ZNF566: variants seen among roughly 807,000 people sequenced by gnomAD.
The protein encoded by ZNF566 is zinc finger protein 566.
A neutral mutation model predicts 32.8 loss-of-function variants in ZNF566; 27 were observed. The observed-to-expected ratio is 0.82, with a 90% CI of 0.61 to 1.14. ZNF566 has a LOEUF of 1.14. ZNF566 is among the 50% of genes most tolerant of loss of function. ZNF566 has a pLI of 0.00. For synonymous variants in ZNF566, 154 were observed against 159.5 expected (o/e 0.97, Z 0.26); for missense variants, 402 against 490.4 (o/e 0.82, Z 1.70).
intron 1 of ZNF566, among the ~76,000 whole-genome samples, chr19:36,478,252 T>C (rs2033944589): frequency 6.6e-6 from 1 of 152,186 alleles, no homozygotes; most frequent in South Asian, 2.1e-4. Context: ...TACTACATAT[T>C]AAGCTCTTAG....
At chr19:36,466,590 C>T (rs1483658594) in intron 4 of ZNF566, among the ~76,000 whole-genome samples, 18 of 152,106 alleles carry the variant, frequency 1.2e-4, no homozygotes. Flanking sequence ...TGAGTCCCTA[C>T]GAGTGTGAAG....
At chr19:36,463,356 T>C (rs1473217957) in intron 4 of ZNF566, among the ~76,000 whole-genome samples, 1 of 151,920 alleles carries the variant, frequency 6.6e-6, no homozygotes, top group African/African-American at 2.4e-5. Context: ...AGAAAATACC[T>C]AGAAATAAAA....
intron 4 of ZNF566, among the ~76,000 whole-genome samples, chr19:36,462,450 T>G (rs1401750792): frequency 6.6e-6 from 1 of 152,006 alleles, no homozygotes; most frequent in Non-Finnish European, 1.5e-5. Flanking sequence ...TTTCTGCAAC[T>G]ATGCCTGGGT....
rs80024850 is a variant in ZNF566, at chr19:36,487,256, A to G, written c.-60+2230T>C. On this transcript the variant is annotated intron_variant, in intron 1 of 4. Transcript: ENST00000452939. ...TCTCATACATTGCTGGATGGAGTGT[A>G]AACTGGAACAACCACATGAGAGCTT... Among the ~76,000 whole-genome samples, 801 of 152,296 alleles carry G rather than the reference A, an allele frequency of 5.3e-3. 23 individuals are homozygous for G. The highest frequency in any genetic ancestry group is 0.037 in the Admixed American group (567 of 15,278).
chr19:36,462,233 C>T (rs1020254021), intron 4 of ZNF566, among the ~76,000 whole-genome samples: 1 of 152,064 alleles, frequency 6.6e-6, no homozygotes, highest in Admixed American at 6.6e-5. Flanking sequence ...GGTGATCCAC[C>T]CACCTCGGCC....
intron 4 of ZNF566, among the ~76,000 whole-genome samples, chr19:36,451,014 G>A (rs1039441345): frequency 6.6e-6 from 1 of 152,198 alleles, no homozygotes; most frequent in African/African-American, 2.4e-5. Context: ...TAAGTAAAAT[G>A]TGCATTTCAT....
At chr19:36,480,245 C>A (rs2033991853) in intron 1 of ZNF566, among the ~76,000 whole-genome samples, 1 of 151,796 alleles carries the variant, frequency 6.6e-6, no homozygotes, top group Non-Finnish European at 1.5e-5. Context: ...CATGTATATA[C>A]TGTCACCTGA....
chr19:36,488,985 AG>A (rs2034241732), intron 1 of ZNF566, among the ~76,000 whole-genome samples: 1 of 152,146 alleles, frequency 6.6e-6, no homozygotes. Flanking sequence ...CATAAGCACA[AG>A]TGCACGCTTA....
At chr19:36,456,564 T>C (rs952004097) in intron 4 of ZNF566, 4 of 147,686 alleles carry the variant, frequency 2.7e-5, no homozygotes, top group African/African-American at 1.0e-4. Context: ...AAAAAAAAAA[T>C]TGCATTAAAT....
chr19:36,451,228 T>C (rs2033149363), intron 4 of ZNF566, among the ~76,000 whole-genome samples: 1 of 152,066 alleles, frequency 6.6e-6, no homozygotes, highest in African/African-American at 2.4e-5. Flanking sequence ...CAGAGCACTT[T>C]AAAAAATGAT....
At chr19:36,475,707 C>T (rs561406764) in intron 2 of ZNF566, among the ~76,000 whole-genome samples, 3 of 151,798 alleles carry the variant, frequency 2.0e-5, no homozygotes, top group South Asian at 2.1e-4. Flanking sequence ...TGTTTAAAAG[C>T]GGGGGGCGGC....
At chr19:36,454,485 C>A (rs2033250251) in intron 4 of ZNF566, among the ~76,000 whole-genome samples, 1 of 152,048 alleles carries the variant, frequency 6.6e-6, no homozygotes, top group African/African-American at 2.4e-5. Context: ...CCCAGGAGTT[C>A]AAAACTGCAG....
At chr19:36,473,732 T>C (rs907925398) in intron 2 of ZNF566, among the ~76,000 whole-genome samples, 12 of 152,158 alleles carry the variant, frequency 7.9e-5, no homozygotes, top group Non-Finnish European at 1.5e-5. Flanking sequence ...CTAAGAGGGC[T>C]TTTCCAATTA....
intron 4 of ZNF566, among the ~76,000 whole-genome samples, chr19:36,462,771 C>G (rs1385336326): frequency 6.6e-6 from 1 of 151,288 alleles, no homozygotes; most frequent in Admixed American, 6.6e-5. Context: ...TCCTGGCTAA[C>G]GCGGTGAAAC....
In ZNF566 at chr19:36,450,070, T is replaced by C. The variant is rs1261009530; in HGVS notation, c.233-69A>G. The C allele has an allele frequency of 3.7e-6, 5 of 1,356,306 alleles. No individual in the cohort carries two copies. In the African/African-American group the frequency reaches 4.4e-5, roughly 12 times the overall value. The allele number at this position is 1,356,306 out of a possible 1,614,324, so 84.0% of individuals were successfully genotyped here. Reference sequence around the variant, plus strand: ...GGGAGAAACAAAACTTCAATCAATATGGGAGAATTTAACCGAATTTTTTTT... The same window carrying C: ...GGGAGAAACAAAACTTCAATCAATACGGGAGAATTTAACCGAATTTTTTTT... On this transcript the variant is annotated intron_variant, in intron 4 of 4. Transcript: ENST00000452939.
intron 1 of ZNF566, among the ~76,000 whole-genome samples, chr19:36,479,551 A>C (rs2033974565): frequency 6.6e-6 from 1 of 152,370 alleles, no homozygotes; most frequent in Middle Eastern, 3.4e-3. Context: ...TTGGTAAGAG[A>C]AATTAAGGAT....
chr19:36,488,528 G>A (rs529770826), intron 1 of ZNF566, among the ~76,000 whole-genome samples: 6 of 152,272 alleles, frequency 3.9e-5, no homozygotes, highest in South Asian at 2.1e-4. Context: ...TTAGTAAAGT[G>A]GAAGATATAT....
intron 2 of ZNF566, among the ~76,000 whole-genome samples, chr19:36,474,545 C>A (rs994981650): frequency 6.6e-6 from 1 of 152,074 alleles, no homozygotes; most frequent in Non-Finnish European, 1.5e-5. Context: ...ATACAATGTT[C>A]CCTTTAACTT....
At chr19:36,488,341 C>T (rs910005350) in intron 1 of ZNF566, among the ~76,000 whole-genome samples, 1 of 152,170 alleles carries the variant, frequency 6.6e-6, no homozygotes, top group South Asian at 2.1e-4. Flanking sequence ...GTGATCCTCT[C>T]ACCTTGGCCT....
Sources: gnomAD v4.1 joint callset for allele counts (sites outside exome capture counted in the v4.1 genomes callset) on GRCh38, gnomAD v4.1.1 for gene constraint, MANE v1.5 for transcripts, NCBI Gene and HGNC (gene_info 2026-07-23, HGNC 2026-07-21) for gene names.